The following TICRR variants were observed in gnomAD, a reference collection of about 807,000 sequenced individuals.
TICRR encodes treslin.
Under a neutral mutation model 178.1 loss-of-function variants are expected in TICRR, and 132 were observed. The observed-to-expected ratio is 0.74, with a 90% CI of 0.64 to 0.86. The LOEUF (loss-of-function observed/expected upper bound fraction) is 0.86, where lower values mean the gene tolerates loss of function less well. Among genes scored for constraint, TICRR ranks in the 40% least tolerant of loss-of-function variants. TICRR has a pLI of 0.00. For synonymous variants in TICRR, 991 were observed against 900.7 expected (o/e 1.10, Z -1.79); for missense variants, 2,587 against 2,334.3 (o/e 1.11, Z -2.23).
rs371407367 is a variant in TICRR at position 89,618,175 on chromosome 15, T to C, written c.2984T>C (p.Ile995Thr). The C allele has an allele frequency of 3.3e-5, 54 of 1,614,188 alleles. No individual in the cohort carries two copies. The highest frequency in any genetic ancestry group is 4.3e-5 in the Non-Finnish European group (51 of 1,180,026). The stretch of plus-strand genomic sequence containing the variant: ...AGGTCCTCTGATCCTGGTCCTGATA[T>C]TGGTGTTGTTGAAGAGTCCCCTGAA... ...KGRSSDPGPD[I>T]GVVEESPEKG... Residue 995 changes from isoleucine (I) to threonine (T), a missense_variant, in exon 17 of 22, where the codon ATT (isoleucine) becomes ACT (threonine). Transcript: ENST00000268138.
At chr15:89,609,886 C>A (rs1456108443) in intron 15 of TICRR, among the ~76,000 whole-genome samples, 2 of 149,158 alleles carry the variant, frequency 1.3e-5, no homozygotes, top group Non-Finnish European at 3.0e-5. Context: ...GATTTGAGAT[C>A]TTTTTTAATA....
rs1963509751 is a variant in TICRR, at chr15:89,625,708, A to G, written c.5398A>G (p.Ser1800Gly). 1 of 1,613,022 alleles carries G rather than the reference A, an allele frequency of 6.2e-7. No homozygotes were observed. Among genetic ancestry groups the G allele is most frequent in the Non-Finnish European group, 8.5e-7 (1 of 1,179,752 alleles). ...TGACCTGAGAGAAGATTCAGAAGTT[A>G]GTAAGAGTAAAGAGGGGTCTCCAAG... The part of the protein sequence containing the change: ...ICDLREDSEV[S>G]KSKEGSPSWS... Residue 1800 changes from serine to glycine, a missense_variant, in exon 20 of 22, where the codon AGT becomes GGT. By Grantham distance (56) the Ser-to-Gly change is moderately conservative. Transcript: ENST00000268138.
intron 15 of TICRR, among the ~76,000 whole-genome samples, chr15:89,613,726 T>A (rs1235108636): frequency 6.8e-6 from 1 of 146,944 alleles, no homozygotes; most frequent in Non-Finnish European, 1.5e-5. Context: ...CTCTAGAATT[T>A]CTATTCGCTT....
intron 14 of TICRR, among the ~76,000 whole-genome samples, chr15:89,607,719 T>G (rs1963195318): frequency 6.6e-6 from 1 of 152,156 alleles, no homozygotes; most frequent in African/African-American, 2.4e-5. Flanking sequence ...GCTCCCAGTT[T>G]GTGGATCCTA....
chr15:89,578,658 C>CTT (rs796973609), intron 1 of TICRR, among the ~76,000 whole-genome samples: 20 of 123,948 alleles, frequency 1.6e-4, no homozygotes, highest in South Asian at 1.2e-3. Flanking sequence ...CTCTCTCTCT[C>CTT]TTTTTTTTTT....
rs1963056539 is a variant in TICRR at position 89,599,442 on chromosome 15, G to A, written c.2019G>A (p.Met673Ile). The A allele has an allele frequency of 6.2e-7, 1 of 1,613,296 alleles. No homozygotes were observed. The highest frequency in any genetic ancestry group is 8.5e-7 in the Non-Finnish European group (1 of 1,179,672). The change falls in exon 8 of 22, where the codon ATG (methionine) becomes ATA (isoleucine). Residue 673 changes from methionine (M) to isoleucine (I), a missense_variant. Transcript: ENST00000268138. The stretch of plus-strand genomic sequence containing the variant: ...GAAACATGATCTCAACCGTTAAAAT[G>A]TTCCTAAAATCAAAAGGCACCAAGG... The part of the protein sequence containing the change: ...CARNMISTVK[M>I]FLKSKGTKEL...
Position 89,582,933 on chromosome 15 carries a change from G to A in TICRR, c.902G>A (p.Arg301Gln), listed in dbSNP as rs150565858. Residue 301 changes from arginine to glutamine, a missense_variant, in exon 2 of 22, where the codon CGA (arginine) becomes CAA (glutamine). Transcript: ENST00000268138. ...CCTGAGTATGAGGCCTCGTTTCCAC[G>A]AATGGAAGGAATGTTATTTCTCCCT... ...NSPEYEASFP[R>Q]MEGMLFLPVE... 2,778 of 1,613,536 alleles carry A rather than the reference G, an allele frequency of 1.7e-3. 82 individuals are homozygous for A. In the Admixed American group the frequency reaches 0.042, roughly 25 times the overall value.
At chr15:89,593,080 A>T (rs571475900) in intron 5 of TICRR, among the ~76,000 whole-genome samples, 9 of 152,148 alleles carry the variant, frequency 5.9e-5, no homozygotes, top group Non-Finnish European at 8.8e-5. Context: ...TCGTTTTTTT[A>T]AAATTTTTTT....
intron 4 of TICRR, among the ~76,000 whole-genome samples, chr15:89,590,111 C>T (rs980436191): frequency 1.3e-5 from 2 of 152,026 alleles, no homozygotes; most frequent in Admixed American, 1.3e-4. Flanking sequence ...GAGACAGGGG[C>T]CAATGACAAA....
At chr15:89,607,491 T>C (rs2119607) in intron 14 of TICRR, among the ~76,000 whole-genome samples, 40,177 of 152,026 alleles carry the variant, frequency 0.26, 6,009 homozygotes, top group South Asian at 0.37. Context: ...AAACTTGCTA[T>C]AGAAATTAAG....
intron 18 of TICRR, among the ~76,000 whole-genome samples, chr15:89,620,401 T>C (rs2141980463): frequency 6.6e-6 from 1 of 151,926 alleles, no homozygotes; most frequent in South Asian, 2.1e-4. Flanking sequence ...AAAGACTGGG[T>C]TTCACCATGT....
At chr15:89,617,990 C>T (rs1339921415) in intron 16 of TICRR, 162 bp from the exon 17 acceptor site, 1 of 753,896 alleles carries the variant, frequency 1.3e-6, no homozygotes, top group Non-Finnish European at 2.3e-6. Flanking sequence ...CTGTGGCCAG[C>T]CTCCCTCTTG....
chr15:89,588,084 C>T (rs999113769), intron 4 of TICRR, among the ~76,000 whole-genome samples: 1 of 152,062 alleles, frequency 6.6e-6, no homozygotes, highest in African/African-American at 2.4e-5. Context: ...GCTGGGATGC[C>T]AAGGTGAGTG....
chr15:89,597,251 C>G (rs989664813), intron 7 of TICRR, among the ~76,000 whole-genome samples: 7 of 152,262 alleles, frequency 4.6e-5, no homozygotes, highest in Non-Finnish European at 1.5e-5. Context: ...AGGCCAGGTG[C>G]AGTGACTCAT....
chr15:89,582,724 T>C lies in TICRR; in HGVS notation c.693T>C (p.Val231=), dbSNP rs1382717870. 1 of 1,614,248 alleles carries C rather than the reference T, an allele frequency of 6.2e-7. No homozygotes were observed. The highest frequency in any genetic ancestry group is 1.7e-5 in the Admixed American group (1 of 60,024). ...CAGACCACCTTGGATACTGGACTGT[T>C]TGTGAACTGCTCCACCACGGAGGTG... ...ESPDHLGYWT[V]CELLHHGGGT... Residue 231 remains valine, a synonymous_variant, in exon 2 of 22, where the codon GTT becomes GTC. Coordinates refer to ENST00000268138, the MANE Select transcript of TICRR (RefSeq NM_152259.4).
At chr15:89,576,874 T>C (rs866646280) in intron 1 of TICRR, among the ~76,000 whole-genome samples, 74 of 144,416 alleles carry the variant, frequency 5.1e-4, no homozygotes, top group South Asian at 2.6e-3. Context: ...CACACACACA[T>C]ATATATACAC....
chr15:89,583,188 G>A (rs981849676), intron 2 of TICRR, among the ~76,000 whole-genome samples: 1 of 152,180 alleles, frequency 6.6e-6, no homozygotes, highest in Admixed American at 6.5e-5. Context: ...AAAAACAAGT[G>A]AATGATTGAT....
At chr15:89,601,049 A>G (rs1038629939) in intron 9 of TICRR, among the ~76,000 whole-genome samples, 2 of 8,240 alleles carry the variant, frequency 2.4e-4, no homozygotes, top group East Asian at 1.6e-3. Context: ...CTGTCTCAGG[A>G]AAAAAAAAAA....
chr15:89,614,395 G>T (rs1041894691), intron 15 of TICRR, among the ~76,000 whole-genome samples: 1 of 150,728 alleles, frequency 6.6e-6, no homozygotes. Context: ...GCTCACTGTA[G>T]CCTCAAACTC....
Sources: gnomAD v4.1 joint callset for allele counts (sites outside exome capture counted in the v4.1 genomes callset) on GRCh38, gnomAD v4.1.1 for gene constraint, MANE v1.5 for transcripts, NCBI Gene and HGNC (gene_info 2026-07-23, HGNC 2026-07-21) for gene names.